LHFPL6: variants seen among roughly 807,000 people sequenced by gnomAD.
LHFPL6 encodes the protein LHFPL tetraspan subfamily member 6 protein.
Under a neutral mutation model 20.6 loss-of-function variants are expected in LHFPL6, and 9 were observed. The observed-to-expected ratio is 0.44, with a 90% CI of 0.26 to 0.76. The LOEUF is 0.76. LHFPL6 is among the 30% of genes least tolerant of loss of function. The probability of loss-of-function intolerance (pLI) is 0.20; values close to 1 mark genes in which losing one functional copy is unlikely to be tolerated. For missense variants in LHFPL6, 218 were observed against 253.5 expected, an observed-to-expected ratio of 0.86 and a Z score of 0.95; for synonymous variants, 105 against 98.7, an observed-to-expected ratio of 1.06 and a Z score of -0.38.
At chr13:39,369,676 G>A (rs1870117977) in intron 3 of LHFPL6, among the ~76,000 whole-genome samples, 1 of 143,870 alleles carries the variant, frequency 7.0e-6, no homozygotes, top group African/African-American at 2.6e-5. Flanking sequence ...TTCAATAGAT[G>A]GCAGATATAT....
intron 2 of LHFPL6, among the ~76,000 whole-genome samples, chr13:39,437,095 G>GT (rs1871978031): frequency 6.6e-6 from 1 of 152,194 alleles, no homozygotes; most frequent in Non-Finnish European, 1.5e-5. Context: ...CTCAAAACAT[G>GT]TAAGCTGCTG....
At chr13:39,363,254 C>G (rs540735962) in intron 3 of LHFPL6, among the ~76,000 whole-genome samples, 1 of 152,090 alleles carries the variant, frequency 6.6e-6, no homozygotes, top group Admixed American at 6.5e-5. Context: ...AGGACAGAGC[C>G]TCTTTTAAAT....
At chr13:39,561,066 C>G (rs1871463777) in intron 2 of LHFPL6, among the ~76,000 whole-genome samples, 1 of 151,942 alleles carries the variant, frequency 6.6e-6, no homozygotes, top group Admixed American at 6.6e-5. Context: ...GGGTCCACAT[C>G]CATGGTGCTC....
intron 2 of LHFPL6, among the ~76,000 whole-genome samples, chr13:39,493,962 C>T (rs9594335): frequency 0.31 from 47,271 of 152,206 alleles, 7,815 homozygotes; most frequent in Middle Eastern, 0.43. Flanking sequence ...TTTCATCCCT[C>T]TTCTTAGAAG....
chr13:39,584,352 C>T (rs1872379504), intron 2 of LHFPL6, among the ~76,000 whole-genome samples: 1 of 151,834 alleles, frequency 6.6e-6, no homozygotes. Context: ...CATGGAGAAA[C>T]CCCGTCTCTA....
intron 2 of LHFPL6, among the ~76,000 whole-genome samples, chr13:39,420,607 T>A (rs1593306375): frequency 6.6e-6 from 1 of 152,142 alleles, no homozygotes; most frequent in African/African-American, 2.4e-5. Context: ...GAAATTAATA[T>A]CTCAAGACTT....
At chr13:39,465,327 A>T (rs1872777866) in intron 2 of LHFPL6, among the ~76,000 whole-genome samples, 1 of 152,196 alleles carries the variant, frequency 6.6e-6, no homozygotes, top group African/African-American at 2.4e-5. Context: ...CATTAACAAG[A>T]CATTCAGCAA....
chr13:39,533,755 T>G (rs1352170712), intron 2 of LHFPL6, among the ~76,000 whole-genome samples: 2 of 152,218 alleles, frequency 1.3e-5, no homozygotes, highest in Non-Finnish European at 2.9e-5. Flanking sequence ...GTCTTCCATA[T>G]TTCCATGTCT....
At chr13:39,514,889 C>G (rs1016399531) in intron 2 of LHFPL6, among the ~76,000 whole-genome samples, 1 of 152,230 alleles carries the variant, frequency 6.6e-6, no homozygotes, top group Non-Finnish European at 1.5e-5. Context: ...GGCAGGGACT[C>G]TATCCCCCAC....
chr13:39,370,949 T>C (rs1400712609), intron 3 of LHFPL6, among the ~76,000 whole-genome samples: 1 of 152,218 alleles, frequency 6.6e-6, no homozygotes, highest in East Asian at 1.9e-4. Flanking sequence ...AACAGATTTT[T>C]CTCAAGTATG....
At position 39,561,192 on chromosome 13, in the gene LHFPL6, C is replaced by A. The variant is rs144808835; in HGVS notation, c.385+39640G>T. On this transcript the variant is annotated intron_variant, in intron 2 of 3. Coordinates refer to ENST00000379589, the MANE Select transcript of LHFPL6 (RefSeq NM_005780.3). The stretch of plus-strand genomic sequence containing the variant: ...TGCCTCCTCCCCACTCCCCATACCC[C>A]TCTCTGTCTCACTCTGCTTTTAGAA... 2.1e-3 allele frequency among the ~76,000 whole-genome samples: 323 copies of A among 152,068 alleles called. 2 individuals carry two copies. The highest frequency in any genetic ancestry group is 6.8e-3 in the African/African-American group (283 of 41,478).
chr13:39,593,671 CA>C (rs1168682590), intron 2 of LHFPL6, among the ~76,000 whole-genome samples: 16 of 152,108 alleles, frequency 1.1e-4, no homozygotes, highest in African/African-American at 3.9e-4. Flanking sequence ...AATCCCAAGC[CA>C]AAAGAACAAA....
In LHFPL6 at chr13:39,343,728, A is replaced by G; in HGVS notation, c.*208T>C. 2 of 485,750 alleles carry G rather than the reference A, an allele frequency of 4.1e-6. No individual in the cohort carries two copies. The highest frequency in any genetic ancestry group is 3.2e-5 in the East Asian group (1 of 31,382). 30.1% of individuals were successfully genotyped at this position (485,750 alleles called of 1,614,324 possible). ...TTTAGCCTTTGGTCCATTTTTCTCC[A>G]TCATTCTATACTCTCCTTTTTTTTC... On this transcript the variant is annotated 3_prime_UTR_variant, in exon 4 of 4. Transcript: ENST00000379589.
intron 2 of LHFPL6, among the ~76,000 whole-genome samples, chr13:39,550,827 A>G (rs11843940): frequency 0.017 from 2,631 of 152,252 alleles, 86 homozygotes; most frequent in African/African-American, 0.06. Flanking sequence ...AAATTTAATT[A>G]TTTCAGTCTT....
intron 2 of LHFPL6, among the ~76,000 whole-genome samples, chr13:39,380,665 G>A (rs1471485822): frequency 6.6e-6 from 1 of 152,028 alleles, no homozygotes; most frequent in Non-Finnish European, 1.5e-5. Context: ...GCTAATTTTT[G>A]TATTTTTAGT....
chr13:39,455,077 C>A (rs1339588873), intron 2 of LHFPL6, among the ~76,000 whole-genome samples: 1 of 152,064 alleles, frequency 6.6e-6, no homozygotes, highest in Admixed American at 6.5e-5. Flanking sequence ...TCACCAGACA[C>A]TAAATCTGCT....
intron 2 of LHFPL6, among the ~76,000 whole-genome samples, chr13:39,514,262 A>G (rs1869826351): frequency 6.6e-6 from 1 of 152,098 alleles, no homozygotes; most frequent in Non-Finnish European, 1.5e-5. Context: ...TAACAAGCAG[A>G]GAAGGGCGGG....
intron 1 of LHFPL6, among the ~76,000 whole-genome samples, chr13:39,602,328 T>G (rs993654984): frequency 2.0e-5 from 3 of 151,866 alleles, no homozygotes; most frequent in Non-Finnish European, 4.4e-5. Flanking sequence ...ATAGCAAATT[T>G]CCCCCTTTCT....
chr13:39,470,082 C>G (rs1872904630), intron 2 of LHFPL6, among the ~76,000 whole-genome samples: 1 of 152,160 alleles, frequency 6.6e-6, no homozygotes, highest in Non-Finnish European at 1.5e-5. Context: ...ACCATTTCAT[C>G]TCTCCACTCG....
Sources: allele counts gnomAD v4.1 joint callset (sites outside exome capture counted in the v4.1 genomes callset), GRCh38; gene constraint gnomAD v4.1.1; transcripts MANE v1.5; gene names NCBI Gene and HGNC (gene_info 2026-07-23, HGNC 2026-07-21).